Variants in DSCAML1 observed in about 807,000 individuals in gnomAD.
The protein encoded by DSCAML1 is cell adhesion molecule DSCAML1.
Under a neutral mutation model 200.5 loss-of-function variants are expected in DSCAML1, and 38 were observed. That is an observed-to-expected ratio of 0.19 (90% CI 0.15 to 0.25). The LOEUF (loss-of-function observed/expected upper bound fraction) is 0.25. Ranked by LOEUF, DSCAML1 falls within the 10% of genes least tolerant of loss-of-function variation. The probability of loss-of-function intolerance (pLI) is 1.00; values close to 1 mark genes in which losing one functional copy is unlikely to be tolerated. For synonymous variants in DSCAML1, 1,215 were observed against 1,165.0 expected (o/e 1.04, Z -0.87); for missense variants, 2,223 against 2,858.8 (o/e 0.78, Z 5.07).
At chr11:117,627,997 G>C (rs2052091779) in intron 3 of DSCAML1, among the ~76,000 whole-genome samples, 1 of 152,134 alleles carries the variant, frequency 6.6e-6, no homozygotes, top group Non-Finnish European at 1.5e-5. Flanking sequence ...ATGGTCCTGA[G>C]CACTTCTCAG....
chr11:117,609,037 A>AAC (rs1416569205), intron 3 of DSCAML1, among the ~76,000 whole-genome samples: 53 of 151,084 alleles, frequency 3.5e-4, no homozygotes, highest in East Asian at 1.2e-3. Flanking sequence ...CAAACAAACA[A>AAC]AAAAAACAAA....
chr11:117,464,268 G>A (rs2048535737), intron 17 of DSCAML1, among the ~76,000 whole-genome samples: 1 of 152,104 alleles, frequency 6.6e-6, no homozygotes, highest in Non-Finnish European at 1.5e-5. Flanking sequence ...GGTCAGCCTG[G>A]CCCCTTCTCT....
chr11:117,623,926 G>T (rs1422721128), intron 3 of DSCAML1, among the ~76,000 whole-genome samples: 2 of 152,140 alleles, frequency 1.3e-5, no homozygotes, highest in African/African-American at 4.8e-5. Flanking sequence ...ACTATTGGAG[G>T]ATAATGGCTT....
chr11:117,676,952 A>G (rs1280087558), intron 3 of DSCAML1, among the ~76,000 whole-genome samples: 1 of 151,876 alleles, frequency 6.6e-6, no homozygotes, highest in Non-Finnish European at 1.5e-5. Flanking sequence ...GGGACAGGGG[A>G]GGCCGGGTAG....
chr11:117,526,026 AC>A (rs1268221070), intron 4 of DSCAML1, among the ~76,000 whole-genome samples: 1 of 152,196 alleles, frequency 6.6e-6, no homozygotes, highest in African/African-American at 2.4e-5. Context: ...ACCAGCAACT[AC>A]GAGACCTGTG....
At position 117,698,877 on chromosome 11, in the gene DSCAML1, G is replaced by T. The variant is rs139668947; in HGVS notation, c.511+77914C>A. Among the ~76,000 whole-genome samples the T allele has an allele frequency of 2.5e-4, 38 of 152,294 alleles. No individual in the cohort carries two copies. In the East Asian group the frequency reaches 4.1e-3, roughly 16 times the overall value. ...GCCCAGACAGCGGGATGCTCTGAGG[G>T]AGAAGAAGGTATTCCATTGCTCTGC... On this transcript the variant is annotated intron_variant, in intron 3 of 32. Transcript: ENST00000651296.
chr11:117,521,508 A>C, intron 5 of DSCAML1, 103 bp from the exon 6 acceptor site: 1 of 1,284,252 alleles, frequency 7.8e-7, no homozygotes, highest in Non-Finnish European at 1.1e-6. Context: ...AGGGGTCACA[A>C]AAGGCCCAGG....
intron 6 of DSCAML1, among the ~76,000 whole-genome samples, chr11:117,519,621 A>G (rs2049849645): frequency 6.6e-6 from 1 of 152,074 alleles, no homozygotes; most frequent in Non-Finnish European, 1.5e-5. Flanking sequence ...GGAGTTTGAG[A>G]CCAGTCTGGG....
intron 1 of DSCAML1, among the ~76,000 whole-genome samples, chr11:117,811,627 C>G (rs2134090416): frequency 6.6e-6 from 1 of 152,360 alleles, no homozygotes; most frequent in South Asian, 2.1e-4. Context: ...CGTGTCCCAT[C>G]TGCGCGGGAC....
rs116089413 is a variant in DSCAML1 at position 117,616,719 on chromosome 11, T to G, written c.512-84197A>C. Among the ~76,000 whole-genome samples the G allele has an allele frequency of 8.9e-3, 1,358 of 152,354 alleles. 22 individuals carry two copies. The highest frequency in any genetic ancestry group is 0.031 in the African/African-American group (1,291 of 41,580). Reference sequence around the variant, plus strand: ...GCTGGTGATATTCTATTTCTTGAGCTAAGTGACAATTATGCAGATGTGTTT... The same window carrying G: ...GCTGGTGATATTCTATTTCTTGAGCGAAGTGACAATTATGCAGATGTGTTT... On this transcript the variant is annotated intron_variant, in intron 3 of 32. Coordinates refer to ENST00000651296, the MANE Select transcript of DSCAML1 (RefSeq NM_020693.4).
intron 11 of DSCAML1, among the ~76,000 whole-genome samples, chr11:117,482,622 G>C (rs1436236765): frequency 2.0e-5 from 3 of 151,918 alleles, no homozygotes; most frequent in African/African-American, 7.2e-5. Context: ...CTGCGTATAA[G>C]TGATATTTTG....
intron 1 of DSCAML1, among the ~76,000 whole-genome samples, chr11:117,781,353 T>C (rs2055258722): frequency 1.3e-5 from 2 of 151,652 alleles, no homozygotes; most frequent in African/African-American, 2.4e-5. Flanking sequence ...CCCAGGATTT[T>C]TGGAATTTGT....
At chr11:117,798,615 C>T (rs1019587839), upstream of DSCAML1, among the ~76,000 whole-genome samples, 1 of 152,098 alleles carries the variant, frequency 6.6e-6, no homozygotes, top group African/African-American at 2.4e-5. Flanking sequence ...ACTCCCCCTT[C>T]CCCTCCCCTC....
At chr11:117,751,717 A>G (rs1565262970) in intron 3 of DSCAML1, among the ~76,000 whole-genome samples, 2 of 152,142 alleles carry the variant, frequency 1.3e-5, no homozygotes, top group African/African-American at 2.4e-5. Context: ...CACCTGGGGG[A>G]AAAAATGGAG....
chr11:117,729,589 T>G (rs2054186461), intron 3 of DSCAML1, among the ~76,000 whole-genome samples: 1 of 152,174 alleles, frequency 6.6e-6, no homozygotes, highest in East Asian at 1.9e-4. Flanking sequence ...AAAGGACAAC[T>G]CAATTTTAAA....
At chr11:117,623,218 T>TTC (rs533113152) in intron 3 of DSCAML1, among the ~76,000 whole-genome samples, 1,103 of 109,554 alleles carry the variant, frequency 0.01, 23 homozygotes, top group African/African-American at 0.039. Flanking sequence ...TTTCTTTTCT[T>TTC]TTTTTTTTTT....
At position 117,521,322 on chromosome 11, in the gene DSCAML1, A is replaced by G. The variant is rs1156582273; in HGVS notation, c.1021T>C (p.Ser341Pro). ...TACCAGCGGATGGTGAACTCTGGGG[A>G]GCCCGTCAGGGCACAGGAGAGGATG... ...TVILSCALTG[S>P]PEFTIRWYRN... is the part of the protein sequence containing the mutation. The change falls in exon 6 of 33, where the codon TCC becomes CCC. Residue 341 changes from serine to proline, a missense_variant. By Grantham distance (74) the Ser-to-Pro change is moderately conservative (BLOSUM62 -1). Around this residue, in one of 7 missense-constraint regions of DSCAML1, gnomAD observed 579 missense variants for 721.5 expected, o/e 0.80. Transcript: ENST00000651296. 1 of 1,614,038 alleles carries G rather than the reference A, an allele frequency of 6.2e-7. No homozygotes were observed. The highest frequency in any genetic ancestry group is 8.5e-7 in the Non-Finnish European group (1 of 1,180,010).
chr11:117,653,847 T>G (rs2052681705), intron 3 of DSCAML1, among the ~76,000 whole-genome samples: 1 of 152,146 alleles, frequency 6.6e-6, no homozygotes, highest in South Asian at 2.1e-4. Context: ...TGGAATATTA[T>G]TTGGCCATAA....
intron 3 of DSCAML1, among the ~76,000 whole-genome samples, chr11:117,682,628 C>A (rs1394909004): frequency 7.9e-5 from 12 of 152,196 alleles, no homozygotes; most frequent in Admixed American, 3.9e-4. Flanking sequence ...TGACTTGACA[C>A]CCCCTCCAGC....
Sources: allele counts gnomAD v4.1 joint callset (sites outside exome capture counted in the v4.1 genomes callset), GRCh38; gene constraint gnomAD v4.1.1; regional missense constraint gnomAD v4.1.1; transcripts MANE v1.5; gene names NCBI Gene and HGNC (gene_info 2026-07-23, HGNC 2026-07-21).